The following CHAT variants were observed in gnomAD, a reference collection of about 807,000 sequenced individuals.
CHAT encodes acetyl CoA:choline O-acetyltransferase.
Under a neutral mutation model 76.9 loss-of-function variants are expected in CHAT, and 61 were observed. That is an observed-to-expected ratio of 0.79 (90% CI 0.65 to 0.98). The LOEUF (loss-of-function observed/expected upper bound fraction) is 0.98. CHAT is among the 50% of genes least tolerant of loss of function. The pLI is 0.00. For missense variants in CHAT, 946 were observed against 986.9 expected, an observed-to-expected ratio of 0.96 and a Z score of 0.56; for synonymous variants, 407 against 397.4, an observed-to-expected ratio of 1.02 and a Z score of -0.29.
In CHAT at chr10:49,650,398, C is replaced by T. The variant is rs1839837894; in HGVS notation, c.1511+762C>T. ...GCAGAAACAGCCATGCTGACCTGAA[C>T]CCACAAAAATATAGAAGCTGAACTC... On this transcript the variant is annotated intron_variant, in intron 10 of 14. Transcript: ENST00000337653. Among the ~76,000 whole-genome samples, 4 of 152,072 alleles carry T rather than the reference C, an allele frequency of 2.6e-5. No homozygotes were observed. The South Asian group carries it at 8.3e-4, about 31-fold the overall frequency.
At chr10:49,642,783 G>C (rs1164596638) in intron 7 of CHAT, among the ~76,000 whole-genome samples, 1 of 152,226 alleles carries the variant, frequency 6.6e-6, no homozygotes, top group Admixed American at 6.5e-5. Context: ...TTCACCCTGA[G>C]GTATGGCCAA....
At chr10:49,626,012 A>T (rs1038561161) in intron 6 of CHAT, among the ~76,000 whole-genome samples, 3 of 152,238 alleles carry the variant, frequency 2.0e-5, no homozygotes, top group Non-Finnish European at 2.9e-5. Flanking sequence ...ACAGACTGAC[A>T]AATAGGACCT....
At chr10:49,654,960 A>T in intron 11 of CHAT, 135 bp from the exon 12 acceptor site, 2 of 965,854 alleles carry the variant, frequency 2.1e-6, no homozygotes, top group Non-Finnish European at 3.3e-6. Context: ...GAATTCTATT[A>T]ATATTAAAAT....
At chr10:49,655,582 A>G in intron 13 of CHAT, 134 bp downstream of exon 13, 2 of 762,458 alleles carry the variant, frequency 2.6e-6, no homozygotes, top group Admixed American at 1.9e-5. Flanking sequence ...AGGCCACTTC[A>G]CCACTCGGTC....
At chr10:49,643,960 TG>T (rs1387459449) in intron 7 of CHAT, among the ~76,000 whole-genome samples, 3 of 152,168 alleles carry the variant, frequency 2.0e-5, no homozygotes, top group Non-Finnish European at 4.4e-5. Context: ...GGTCTGGGAA[TG>T]GCATTGGGGT....
At position 49,650,344 on chromosome 10, in the gene CHAT, C is replaced by G. The variant is rs563092268; in HGVS notation, c.1511+708C>G. On this transcript the variant is annotated intron_variant, in intron 10 of 14. Coordinates refer to ENST00000337653, the MANE Select transcript of CHAT (RefSeq NM_020549.5). ...GAATAAGTAGACTCCCAGGCCAAAACATGTGATACAGTAAGATTAATGCCA... is the reference window on the plus strand; with the variant it reads ...GAATAAGTAGACTCCCAGGCCAAAAGATGTGATACAGTAAGATTAATGCCA... Among the ~76,000 whole-genome samples the G allele has an allele frequency of 5.9e-5, 9 of 152,234 alleles. No homozygotes were observed. The South Asian group carries it at 1.9e-3, about 32-fold the overall frequency.
upstream of CHAT, chr10:49,611,420 T>A (rs758934192): frequency 6.3e-7 from 1 of 1,597,724 alleles, no homozygotes; most frequent in African/African-American, 1.3e-5. Context: ...GGAAGCCTAG[T>A]GGCCCCGCCC....
chr10:49,610,697 C>A (rs758786388), upstream of CHAT: 1 of 1,449,242 alleles, frequency 6.9e-7, no homozygotes, highest in Non-Finnish European at 9.0e-7. Context: ...CGCCAGCGCT[C>A]GGCCCTGGCG....
chr10:49,627,855 G>A, intron 7 of CHAT, 70 bp downstream of exon 7: 1 of 1,543,274 alleles, frequency 6.5e-7, no homozygotes, highest in South Asian at 1.2e-5. Flanking sequence ...CCCTCCTCTA[G>A]GGTTGGGCCA....
chr10:49,611,031 C>A (rs1209900185), upstream of CHAT: 3 of 1,613,972 alleles, frequency 1.9e-6, no homozygotes, highest in South Asian at 3.3e-5. Flanking sequence ...CGGCCAACAC[C>A]TCGGCGTCCC....
Position 49,667,855 on chromosome 10 carries a change from A to G in CHAT, c.*2809A>G, listed in dbSNP as rs369105555. Among the ~76,000 whole-genome samples the G allele has an allele frequency of 9.6e-4, 146 of 152,342 alleles. No individual in the cohort carries two copies. Among genetic ancestry groups the G allele is most frequent in the African/African-American group, 3.4e-3 (141 of 41,586 alleles). On this transcript the variant is annotated 3_prime_UTR_variant, in exon 15 of 15. Coordinates refer to ENST00000337653, the MANE Select transcript of CHAT (RefSeq NM_020549.5). The stretch of plus-strand genomic sequence containing the variant: ...TGTGCTTTGAAGAAATATATGTAAG[A>G]TTAAAGAACTGTATATTGTAAGCAT...
upstream of CHAT, chr10:49,611,664 C>A (rs200094927): frequency 7.8e-5 from 126 of 1,611,718 alleles, no homozygotes; most frequent in Middle Eastern, 9.9e-4. Context: ...TCGCCTTCCT[C>A]GAACCCACCA....
At chr10:49,658,822 T>C (rs1840108252) in intron 13 of CHAT, among the ~76,000 whole-genome samples, 1 of 152,178 alleles carries the variant, frequency 6.6e-6, no homozygotes, top group African/African-American at 2.4e-5. Context: ...ATTACATCTA[T>C]ATATGATAGG....
At chr10:49,640,501 TG>T (rs35719812) in intron 7 of CHAT, among the ~76,000 whole-genome samples, 1 of 150,302 alleles carries the variant, frequency 6.7e-6, no homozygotes, top group Non-Finnish European at 1.5e-5. Flanking sequence ...ACTGCAGGGT[TG>T]GGGGGTGGAA....
intron 5 of CHAT, 34 bp downstream of exon 5, chr10:49,622,184 C>G (rs1438051410): frequency 6.2e-7 from 1 of 1,604,748 alleles, no homozygotes; most frequent in East Asian, 2.2e-5. Context: ...TGTTCCAGCA[C>G]AGTCTGCCTA....
intron 8 of CHAT, among the ~76,000 whole-genome samples, chr10:49,648,258 G>A (rs1263869015): frequency 2.0e-5 from 3 of 152,182 alleles, no homozygotes; most frequent in Admixed American, 6.5e-5. Context: ...TGCTCAGTCC[G>A]GGAACTTGGG....
intron 11 of CHAT, among the ~76,000 whole-genome samples, chr10:49,654,628 G>A (rs937594132): frequency 6.6e-6 from 1 of 152,222 alleles, no homozygotes; most frequent in Non-Finnish European, 1.5e-5. Flanking sequence ...TGGAAGGGAG[G>A]GCCTGGACAG....
At chr10:49,649,341 T>C (rs1367766305) in intron 9 of CHAT, among the ~76,000 whole-genome samples, 167 bp from the exon 10 acceptor site, 1 of 152,230 alleles carries the variant, frequency 6.6e-6, no homozygotes, top group Non-Finnish European at 1.5e-5. Context: ...GTGGCCTCTC[T>C]GAGCCTCAGT....
At chr10:49,620,000 G>A (rs1254483545) in intron 3 of CHAT, 84 bp downstream of exon 3, 51 of 1,403,830 alleles carry the variant, frequency 3.6e-5, no homozygotes, top group Non-Finnish European at 5.0e-5. Context: ...AGGCAGGTAG[G>A]GGACAAAGAC....
Sources: gnomAD v4.1 joint callset for allele counts (sites outside exome capture counted in the v4.1 genomes callset) on GRCh38, gnomAD v4.1.1 for gene constraint, MANE v1.5 for transcripts, NCBI Gene and HGNC (gene_info 2026-07-23, HGNC 2026-07-21) for gene names.